The following RGL1 variants were observed in gnomAD, a reference collection of about 807,000 sequenced individuals.
The protein encoded by RGL1 is ral guanine nucleotide dissociation stimulator-like 1.
Under a neutral mutation model 95.2 loss-of-function variants are expected in RGL1, and 24 were observed. The ratio of observed to expected loss-of-function variants is 0.25; its 90% CI spans 0.18 to 0.35. RGL1 has a LOEUF of 0.35. RGL1 is among the 10% of genes least tolerant of loss of function. The pLI, the probability that RGL1 is intolerant of heterozygous loss-of-function variation, is 1.00. For synonymous variants in RGL1, 329 were observed against 344.9 expected, an observed-to-expected ratio of 0.95 and a Z score of 0.51; for missense variants, 715 against 936.3, an observed-to-expected ratio of 0.76 and a Z score of 3.08.
intron 2 of RGL1, among the ~76,000 whole-genome samples, chr1:183,842,817 A>C (rs1229273343): frequency 6.6e-6 from 1 of 152,232 alleles, no homozygotes; most frequent in Non-Finnish European, 1.5e-5. Context: ...TAATAATTCA[A>C]AGTTACTAAG....
chr1:183,653,142 C>G (rs1411570130), intron 1 of RGL1: 1 of 152,020 alleles, frequency 6.6e-6, no homozygotes. Flanking sequence ...TTTTTTTTCT[C>G]CTTTAAGTCC....
In RGL1 at chr1:183,884,944, T is replaced by G. The variant is rs147469409; in HGVS notation, c.951+6T>G. 1 of 1,611,010 alleles carries G rather than the reference T, an allele frequency of 6.2e-7. No individual in the cohort carries two copies. Among genetic ancestry groups the G allele is most frequent in the East Asian group, 2.2e-5 (1 of 44,816 alleles). On this transcript the variant is annotated splice_donor_region_variant and intron_variant, in intron 7 of 17. Transcript: ENST00000360851. Reference sequence around the variant, plus strand: ...AGTGGATCAACATCGCTCATGTAATTGTCTTTTATAAAATATTCTTTGTGT... The same window carrying G: ...AGTGGATCAACATCGCTCATGTAATGGTCTTTTATAAAATATTCTTTGTGT...
chr1:183,858,599 G>T (rs1167918143), intron 3 of RGL1, among the ~76,000 whole-genome samples: 1 of 152,146 alleles, frequency 6.6e-6, no homozygotes, highest in Non-Finnish European at 1.5e-5. Flanking sequence ...GTTTTAGAAA[G>T]TATCTTGGGA....
chr1:183,826,885 C>A (rs1218830267), intron 2 of RGL1, among the ~76,000 whole-genome samples: 1 of 152,076 alleles, frequency 6.6e-6, no homozygotes, highest in Non-Finnish European at 1.5e-5. Flanking sequence ...CATGAATGAC[C>A]ATTATTATGT....
chr1:183,803,284 G>A (rs10082229), upstream of RGL1, among the ~76,000 whole-genome samples: 17,518 of 152,148 alleles, frequency 0.12, 1,603 homozygotes, highest in East Asian at 0.41. Flanking sequence ...AGGAGGCAGT[G>A]GAATTTTTTT....
chr1:183,841,643 A>T (rs1295780208), intron 2 of RGL1, among the ~76,000 whole-genome samples: 1 of 152,208 alleles, frequency 6.6e-6, no homozygotes, highest in Non-Finnish European at 1.5e-5. Flanking sequence ...GTGTGTAAAT[A>T]GTCACTGTAG....
intron 1 of RGL1, among the ~76,000 whole-genome samples, chr1:183,805,994 T>C (rs1426526415): frequency 2.8e-4 from 24 of 86,690 alleles, no homozygotes; most frequent in African/African-American, 1.1e-3. Context: ...TTTTTTTTTT[T>C]TTTTTTTTTT....
chr1:183,687,713 G>T (rs1653687933), intron 1 of RGL1, among the ~76,000 whole-genome samples: 1 of 152,100 alleles, frequency 6.6e-6, no homozygotes, highest in Admixed American at 6.6e-5. Context: ...AAAGAGAAGT[G>T]AATGCAAAAC....
At chr1:183,698,507 T>C (rs1351700849) in intron 1 of RGL1, among the ~76,000 whole-genome samples, 2 of 152,248 alleles carry the variant, frequency 1.3e-5, no homozygotes, top group African/African-American at 4.8e-5. Context: ...TTAGCAGCAA[T>C]ACAAAACAAA....
At chr1:183,737,833 A>G (rs895972995) in intron 1 of RGL1, among the ~76,000 whole-genome samples, 1 of 152,126 alleles carries the variant, frequency 6.6e-6, no homozygotes, top group Non-Finnish European at 1.5e-5. Context: ...CTTTATATAC[A>G]TACAGGTTCC....
chr1:183,851,794 G>T (rs1160429279), intron 3 of RGL1, among the ~76,000 whole-genome samples: 1 of 152,176 alleles, frequency 6.6e-6, no homozygotes, highest in Non-Finnish European at 1.5e-5. Context: ...CTTGAGCCAG[G>T]CTTCAGTCTT....
intron 2 of RGL1, among the ~76,000 whole-genome samples, chr1:183,778,956 A>G (rs1312768975): frequency 6.6e-6 from 1 of 152,174 alleles, no homozygotes; most frequent in African/African-American, 2.4e-5. Context: ...GCAGAATTGT[A>G]CACCTGGCAC....
chr1:183,837,168 A>T (rs972512195), intron 2 of RGL1, among the ~76,000 whole-genome samples: 1 of 152,114 alleles, frequency 6.6e-6, no homozygotes, highest in East Asian at 1.9e-4. Context: ...TATAAATCTC[A>T]CAAGGAGATA....
At chr1:183,731,785 T>C (rs1656642944) in intron 1 of RGL1, among the ~76,000 whole-genome samples, 1 of 152,222 alleles carries the variant, frequency 6.6e-6, no homozygotes, top group Admixed American at 6.5e-5. Context: ...GCTCTCAGTG[T>C]AATACACTTG....
intron 1 of RGL1, among the ~76,000 whole-genome samples, chr1:183,693,056 G>C (rs1487237641): frequency 2.6e-5 from 4 of 151,828 alleles, no homozygotes; most frequent in African/African-American, 7.3e-5. Flanking sequence ...CGAGGTTCAA[G>C]CAATTCTTCT....
chr1:183,684,214 C>T (rs1207641921), intron 1 of RGL1, among the ~76,000 whole-genome samples: 6 of 152,052 alleles, frequency 3.9e-5, no homozygotes, highest in African/African-American at 1.2e-4. Flanking sequence ...CCCTTGCTGG[C>T]GAGGAGTTGT....
At position 183,928,162 on chromosome 1, in the gene RGL1, G is replaced by T. The variant is rs577728996; in HGVS notation, c.*1870G>T. 7.7e-6 allele frequency: 1 copy of T among 130,476 alleles called. No individual in the cohort carries two copies. Among genetic ancestry groups the T allele is most frequent in the South Asian group, 2.4e-4 (1 of 4,104 alleles). 8.1% of individuals were successfully genotyped at this position (130,476 alleles called of 1,614,324 possible). A position where few individuals can be genotyped will look rare whatever the true frequency, so the allele number is the denominator to read the frequency against. On this transcript the variant is annotated 3_prime_UTR_variant, in exon 18 of 18. Transcript: ENST00000360851. ...TCAGCCTGATATTCTTGGTGCGAAG[G>T]TAAAAAAAAAAAAATAAATAAAACC...
chr1:183,760,448 C>T (rs1395186573), intron 2 of RGL1, among the ~76,000 whole-genome samples: 1 of 151,848 alleles, frequency 6.6e-6, no homozygotes, highest in Non-Finnish European at 1.5e-5. Flanking sequence ...AAACCAAAGT[C>T]AGGCTGAGCA....
At chr1:183,816,679 C>T (rs1662110221) in intron 2 of RGL1, among the ~76,000 whole-genome samples, 1 of 152,126 alleles carries the variant, frequency 6.6e-6, no homozygotes, top group African/African-American at 2.4e-5. Context: ...TGTCATTTAA[C>T]CTAGAGGCCT....
Sources: gnomAD v4.1 joint callset for allele counts (sites outside exome capture counted in the v4.1 genomes callset) on GRCh38, gnomAD v4.1.1 for gene constraint, MANE v1.5 for transcripts, NCBI Gene and HGNC (gene_info 2026-07-23, HGNC 2026-07-21) for gene names.